Variants in SLC24A3 observed in about 807,000 individuals in gnomAD.
SLC24A3 encodes sodium/potassium/calcium exchanger 3.
SLC24A3 carries 28 observed loss-of-function variants against 75.8 expected under a neutral mutation model. That is an observed-to-expected ratio of 0.37 (90% CI 0.27 to 0.51). SLC24A3 has a LOEUF of 0.51. Among genes scored for constraint, SLC24A3 ranks in the 20% least tolerant of loss-of-function variants. The probability of loss-of-function intolerance (pLI) is 0.94; values close to 1 mark genes in which losing one functional copy is unlikely to be tolerated. For synonymous variants in SLC24A3, 372 were observed against 334.1 expected (o/e 1.11, Z -1.24); for missense variants, 663 against 847.8 (o/e 0.78, Z 2.71).
chr20:19,600,389 T>C (rs1568668826), intron 6 of SLC24A3, among the ~76,000 whole-genome samples: 1 of 152,200 alleles, frequency 6.6e-6, no homozygotes, highest in Non-Finnish European at 1.5e-5. Context: ...CTCTGCAATT[T>C]CATGTAAAGA....
At chr20:19,558,062 G>C (rs144343967) in intron 3 of SLC24A3, among the ~76,000 whole-genome samples, 213 of 152,168 alleles carry the variant, frequency 1.4e-3, no homozygotes, top group African/African-American at 4.8e-3. Context: ...ATAGAAGATG[G>C]GGGAGGGAAA....
intron 2 of SLC24A3, among the ~76,000 whole-genome samples, chr20:19,325,832 AGAGAGAGG>A (rs61445376): frequency 0.029 from 2,861 of 97,554 alleles, 189 homozygotes; most frequent in African/African-American, 0.042. Flanking sequence ...AGAGAGAGAG[AGAGAGAGG>A]GAGACATCTG....
Position 19,580,129 on chromosome 20 carries a change from C to T in SLC24A3, c.423+55C>T, listed in dbSNP as rs1434619649. Reference sequence around the variant, plus strand: ...AGCCAGACTGGGGACTGGACCTGTGCCCTGTACTGTTCCAGCCTCCTCACC... The same window carrying T: ...AGCCAGACTGGGGACTGGACCTGTGTCCTGTACTGTTCCAGCCTCCTCACC... On this transcript the variant is annotated intron_variant, in intron 4 of 16. Coordinates refer to ENST00000328041, the MANE Select transcript of SLC24A3 (RefSeq NM_020689.4). 6.7e-6 allele frequency: 10 copies of T among 1,498,516 alleles called. No individual in the cohort carries two copies. In the South Asian group the frequency reaches 9.2e-5, roughly 14 times the overall value. The allele number at this position is 1,498,516 out of a possible 1,614,324, so 92.8% of individuals were successfully genotyped here.
chr20:19,500,006 C>T (rs929663769), intron 2 of SLC24A3, among the ~76,000 whole-genome samples: 7 of 152,124 alleles, frequency 4.6e-5, no homozygotes, highest in South Asian at 2.1e-4. Context: ...TGTTATCCTC[C>T]GCCAGCTGAA....
rs568315597 is a variant in SLC24A3 at position 19,508,131 on chromosome 20, C to T, written c.272-7357C>T. On this transcript the variant is annotated intron_variant, in intron 2 of 16. Transcript: ENST00000328041. Reference sequence around the variant, plus strand: ...TGAGAAGCGGAGGAGGTACCGCACCCGGAAGACAAAGTTTTTACAGTGCCC... The same window carrying T: ...TGAGAAGCGGAGGAGGTACCGCACCTGGAAGACAAAGTTTTTACAGTGCCC... Among the ~76,000 whole-genome samples the T allele has an allele frequency of 1.2e-4, 19 of 152,224 alleles. No homozygotes were observed. The South Asian group carries it at 2.5e-3, about 20-fold the overall frequency.
intron 1 of SLC24A3, among the ~76,000 whole-genome samples, chr20:19,248,095 C>T (rs907810578): frequency 6.6e-6 from 1 of 151,982 alleles, no homozygotes; most frequent in African/African-American, 2.4e-5. Flanking sequence ...CATTTTTGTT[C>T]CAGAGCATGA....
chr20:19,467,013 G>A (rs1327621770), intron 2 of SLC24A3, among the ~76,000 whole-genome samples: 2 of 152,188 alleles, frequency 1.3e-5, no homozygotes, highest in Non-Finnish European at 2.9e-5. Flanking sequence ...AATAATCGAG[G>A]TAATGACAGT....
chr20:19,354,897 C>A (rs1353349002), intron 2 of SLC24A3, among the ~76,000 whole-genome samples: 3 of 152,096 alleles, frequency 2.0e-5, no homozygotes, highest in Non-Finnish European at 2.9e-5. Flanking sequence ...CAGCCTCTCC[C>A]CTCAGATAAG....
chr20:19,585,400 A>G, intron 5 of SLC24A3, 41 bp from the exon 6 acceptor site: 4 of 1,587,290 alleles, frequency 2.5e-6, no homozygotes, highest in Non-Finnish European at 3.5e-6. Context: ...GGAATGCAAC[A>G]GGGCCACAAC....
At chr20:19,405,976 A>T (rs1223697487) in intron 2 of SLC24A3, among the ~76,000 whole-genome samples, 1 of 152,226 alleles carries the variant, frequency 6.6e-6, no homozygotes, top group Non-Finnish European at 1.5e-5. Context: ...GCCAGCAAAT[A>T]TATTTTCTAA....
At chr20:19,453,332 G>T (rs1478413428) in intron 2 of SLC24A3, among the ~76,000 whole-genome samples, 2 of 152,194 alleles carry the variant, frequency 1.3e-5, no homozygotes, top group East Asian at 3.9e-4. Flanking sequence ...TCCAGCCTGG[G>T]TGGCAGAGTC....
intron 15 of SLC24A3, among the ~76,000 whole-genome samples, chr20:19,717,061 G>T (rs2033053103): frequency 1.3e-5 from 2 of 152,222 alleles, no homozygotes; most frequent in Non-Finnish European, 2.9e-5. Context: ...GTTAGGGGAA[G>T]GACAGAGACA....
chr20:19,398,683 G>C (rs1986498663), intron 2 of SLC24A3, among the ~76,000 whole-genome samples: 1 of 151,986 alleles, frequency 6.6e-6, no homozygotes, highest in East Asian at 1.9e-4. Context: ...TATTTTTCTT[G>C]TCTTATTGCA....
At chr20:19,227,184 C>T (rs1008534685) in intron 1 of SLC24A3, among the ~76,000 whole-genome samples, 3 of 152,114 alleles carry the variant, frequency 2.0e-5, no homozygotes, top group Non-Finnish European at 4.4e-5. Flanking sequence ...GATGGTGTCC[C>T]GTTGGTTTAG....
intron 2 of SLC24A3, among the ~76,000 whole-genome samples, chr20:19,494,059 A>C (rs771487832): frequency 6.6e-6 from 1 of 152,100 alleles, no homozygotes; most frequent in Non-Finnish European, 1.5e-5. Flanking sequence ...ATCTGCATGG[A>C]GGGGGAGAGG....
At chr20:19,431,093 T>G (rs999036154) in intron 2 of SLC24A3, among the ~76,000 whole-genome samples, 1 of 151,902 alleles carries the variant, frequency 6.6e-6, no homozygotes, top group Non-Finnish European at 1.5e-5. Context: ...CCTGGGAAGA[T>G]GCTAACTGGC....
intron 3 of SLC24A3, among the ~76,000 whole-genome samples, chr20:19,544,978 G>A (rs2030563498): frequency 1.3e-5 from 2 of 152,144 alleles, no homozygotes. Flanking sequence ...CCTCCTCCTA[G>A]CACCAGATCC....
intron 1 of SLC24A3, among the ~76,000 whole-genome samples, chr20:19,263,575 C>T (rs1983065447): frequency 6.6e-6 from 1 of 152,168 alleles, no homozygotes; most frequent in Admixed American, 6.5e-5. Context: ...AGGTGGTGGC[C>T]AGGAAAGTCC....
intron 2 of SLC24A3, among the ~76,000 whole-genome samples, chr20:19,450,862 G>A (rs190153948): frequency 3.1e-4 from 47 of 152,236 alleles, no homozygotes; most frequent in East Asian, 9.7e-4. Flanking sequence ...AGCCGGGCAC[G>A]TTGGCTCACA....
Sources: allele counts gnomAD v4.1 joint callset (sites outside exome capture counted in the v4.1 genomes callset), GRCh38; gene constraint gnomAD v4.1.1; transcripts MANE v1.5; gene names NCBI Gene and HGNC (gene_info 2026-07-23, HGNC 2026-07-21).